The following MGAT4C variants were observed in gnomAD, a reference collection of about 807,000 sequenced individuals.
MGAT4C encodes the protein alpha-1,3-mannosyl-glycoprotein 4-beta-N-acetylglucosaminyltransferase C.
MGAT4C carries 19 observed loss-of-function variants against 40.1 expected under a neutral mutation model. The ratio of observed to expected loss-of-function variants is 0.47; its 90% CI spans 0.33 to 0.70. The LOEUF (loss-of-function observed/expected upper bound fraction) is 0.70, where lower values mean the gene tolerates loss of function less well. Ranked by LOEUF, MGAT4C falls within the 30% of genes least tolerant of loss-of-function variation. The pLI, the probability that MGAT4C is intolerant of heterozygous loss-of-function variation, is 0.02. For missense variants in MGAT4C, 491 were observed against 563.2 expected (o/e 0.87, Z 1.30); for synonymous variants, 181 against 187.1 (o/e 0.97, Z 0.27).
chr12:86,029,316 G>A (rs1368557542), intron 2 of MGAT4C, among the ~76,000 whole-genome samples: 4 of 151,884 alleles, frequency 2.6e-5, no homozygotes, highest in African/African-American at 9.7e-5. Context: ...TTGAGTGTAA[G>A]GCTGGATCTA....
intron 1 of MGAT4C, among the ~76,000 whole-genome samples, chr12:86,205,683 A>T (rs1436909130): frequency 1.3e-5 from 2 of 152,006 alleles, no homozygotes; most frequent in Non-Finnish European, 2.9e-5. Context: ...TTTAATGCAG[A>T]TTGATAAATG....
chr12:85,993,436 C>T (rs1401723022), intron 2 of MGAT4C, among the ~76,000 whole-genome samples: 1 of 152,308 alleles, frequency 6.6e-6, no homozygotes, highest in East Asian at 1.9e-4. Context: ...GGTTTGCATA[C>T]TGCAAGGCTT....
In MGAT4C at chr12:85,956,584, C is replaced by G. The variant is rs1882807166; in HGVS notation, c.*22705G>C. 1 of 152,024 alleles carries G rather than the reference C, an allele frequency of 6.6e-6. No individual in the cohort carries two copies. The highest frequency in any genetic ancestry group is 2.4e-5 in the African/African-American group (1 of 41,392). The allele number at this position is 152,024 out of a possible 1,614,324, so 9.4% of individuals were successfully genotyped here. On this transcript the variant is annotated 3_prime_UTR_variant, in exon 5 of 5. Transcript: ENST00000611864. The stretch of plus-strand genomic sequence containing the variant: ...TTTAGTCTTTAGAAAATATTTGATT[C>G]AATCAAACAGCATTACTTGGTATGG...
At chr12:86,534,041 T>C (rs1446550442) in intron 2 of MGAT4C, among the ~76,000 whole-genome samples, 1 of 152,078 alleles carries the variant, frequency 6.6e-6, no homozygotes, top group Non-Finnish European at 1.5e-5. Context: ...CATTGATATA[T>C]ATTGAAATGG....
chr12:86,462,333 G>A (rs1298668133), intron 2 of MGAT4C, among the ~76,000 whole-genome samples: 2 of 151,998 alleles, frequency 1.3e-5, no homozygotes, highest in Non-Finnish European at 2.9e-5. Flanking sequence ...TTATTTTCAG[G>A]CACTGTGCTT....
intron 1 of MGAT4C, among the ~76,000 whole-genome samples, chr12:86,829,899 T>TA (rs1952886549): frequency 6.7e-6 from 1 of 150,182 alleles, no homozygotes. Context: ...GAAGGGAAAT[T>TA]ACAAGGCATG....
chr12:86,063,020 T>C lies in MGAT4C; in HGVS notation c.-56-13297A>G, dbSNP rs112832658. ...CAACACTCAAAATCCAGAAAATAGA[T>C]AGAACACCACAAAGATACTCTTCAA... On this transcript the variant is annotated intron_variant, in intron 1 of 4. Transcript: ENST00000611864. 3.6e-3 allele frequency among the ~76,000 whole-genome samples: 542 copies of C among 151,902 alleles called. 3 individuals carry two copies. Among genetic ancestry groups the C allele is most frequent in the African/African-American group, 0.012 (517 of 41,418 alleles).
intron 1 of MGAT4C, among the ~76,000 whole-genome samples, chr12:86,052,534 T>G (rs568778841): frequency 6.6e-6 from 1 of 152,134 alleles, no homozygotes; most frequent in African/African-American, 2.4e-5. Flanking sequence ...TGTATTATTC[T>G]CATAAAAGCA....
intron 3 of MGAT4C, among the ~76,000 whole-genome samples, chr12:86,431,932 T>A (rs895074881): frequency 2.0e-5 from 3 of 151,932 alleles, no homozygotes; most frequent in African/African-American, 7.3e-5. Context: ...ATAAAGACTA[T>A]GGAGAGAAGA....
chr12:86,768,252 G>A (rs1233040553), intron 1 of MGAT4C, among the ~76,000 whole-genome samples: 4 of 152,164 alleles, frequency 2.6e-5, no homozygotes, highest in African/African-American at 9.7e-5. Context: ...AATCATGAGT[G>A]AATTCCCATT....
intron 2 of MGAT4C, among the ~76,000 whole-genome samples, chr12:86,708,705 G>C (rs755931975): frequency 7.2e-5 from 11 of 152,170 alleles, no homozygotes; most frequent in African/African-American, 2.7e-4. Flanking sequence ...CTGTATATGA[G>C]ACAAGGAGTC....
At chr12:86,754,536 G>A (rs1951270268) in intron 1 of MGAT4C, among the ~76,000 whole-genome samples, 1 of 152,060 alleles carries the variant, frequency 6.6e-6, no homozygotes, top group Non-Finnish European at 1.5e-5. Context: ...AATCAGAATG[G>A]CAATTTTGTA....
chr12:86,247,020 ACT>A (rs1054129212), intron 1 of MGAT4C, among the ~76,000 whole-genome samples: 3 of 152,138 alleles, frequency 2.0e-5, no homozygotes, highest in African/African-American at 4.8e-5. Context: ...GTACAAACAC[ACT>A]CACATACACA....
At chr12:86,043,481 C>T (rs930996460) in intron 2 of MGAT4C, among the ~76,000 whole-genome samples, 1 of 152,176 alleles carries the variant, frequency 6.6e-6, no homozygotes, top group Non-Finnish European at 1.5e-5. Flanking sequence ...TCAGAAGACT[C>T]AGCCAGTCTA....
At chr12:86,807,187 T>G (rs1366625066) in intron 1 of MGAT4C, among the ~76,000 whole-genome samples, 1 of 152,030 alleles carries the variant, frequency 6.6e-6, no homozygotes, top group Non-Finnish European at 1.5e-5. Flanking sequence ...GGTAAACATG[T>G]GTCATGGTGG....
Position 86,304,840 on chromosome 12 carries a change from T to C in MGAT4C, c.-57+29225A>G, listed in dbSNP as rs1180945022. Among the ~76,000 whole-genome samples, 3 of 150,534 alleles carry C rather than the reference T, an allele frequency of 2.0e-5. 1 individual carries two copies. Among genetic ancestry groups the C allele is most frequent in the African/African-American group, 7.5e-5 (3 of 39,978 alleles). The stretch of plus-strand genomic sequence containing the variant: ...TAGAATGCTGAAGATGCAAGTCAAA[T>C]GATATTACCAAATGGCAGCAAACCA... On this transcript the variant is annotated intron_variant, in intron 4 of 7. Coordinates refer to the MGAT4C transcript ENST00000548651.
At chr12:86,179,582 A>G (rs572194191) in intron 1 of MGAT4C, among the ~76,000 whole-genome samples, 62 of 152,344 alleles carry the variant, frequency 4.1e-4, no homozygotes, top group Non-Finnish European at 8.4e-4. Context: ...TCTCAGATGT[A>G]GATGAGGAAC....
At chr12:86,143,744 G>T (rs575138142) in intron 1 of MGAT4C, among the ~76,000 whole-genome samples, 1 of 152,224 alleles carries the variant, frequency 6.6e-6, no homozygotes, top group African/African-American at 2.4e-5. Context: ...GCAGAAATTA[G>T]AAGTAAGAAG....
chr12:86,504,047 A>C (rs2136338480), intron 2 of MGAT4C, among the ~76,000 whole-genome samples: 1 of 151,820 alleles, frequency 6.6e-6, no homozygotes, highest in South Asian at 2.1e-4. Context: ...GTAGGCTACC[A>C]AATGGCCAAC....
Sources: gnomAD v4.1 joint callset for allele counts (sites outside exome capture counted in the v4.1 genomes callset) on GRCh38, gnomAD v4.1.1 for gene constraint, MANE v1.5 for transcripts, NCBI Gene and HGNC (gene_info 2026-07-23, HGNC 2026-07-21) for gene names.